The following FREM2 variants were observed in gnomAD, a reference collection of about 807,000 sequenced individuals.
The protein encoded by FREM2 is FRAS1 related extracellular matrix 2.
A neutral mutation model predicts 219.9 loss-of-function variants in FREM2; 119 were observed. That is an observed-to-expected ratio of 0.54 (90% CI 0.47 to 0.63). The LOEUF (loss-of-function observed/expected upper bound fraction) is 0.63. FREM2 is among the 30% of genes least tolerant of loss of function. The probability of loss-of-function intolerance (pLI) is 0.00; values close to 1 mark genes in which losing one functional copy is unlikely to be tolerated. For synonymous variants in FREM2, 1,562 were observed against 1,522.8 expected, an observed-to-expected ratio of 1.03 and a Z score of -0.60; for missense variants, 4,030 against 3,993.6, an observed-to-expected ratio of 1.01 and a Z score of -0.25.
chr13:38,811,498 T>C (rs2137863701), intron 6 of FREM2, among the ~76,000 whole-genome samples: 1 of 152,238 alleles, frequency 6.6e-6, no homozygotes, highest in Non-Finnish European at 1.5e-5. Context: ...GTATGTTGTG[T>C]TTCCATTATC....
chr13:38,788,392 C>T (rs1874418505), intron 6 of FREM2, among the ~76,000 whole-genome samples: 1 of 152,118 alleles, frequency 6.6e-6, no homozygotes, highest in South Asian at 2.1e-4. Flanking sequence ...TCTATTAATA[C>T]TGTACCTTAT....
chr13:38,702,727 CATT>C (rs1870390565), intron 2 of FREM2, among the ~76,000 whole-genome samples: 3 of 152,100 alleles, frequency 2.0e-5, no homozygotes, highest in Admixed American at 6.6e-5. Context: ...CATTTGTATT[CATT>C]ATGAAAACCA....
At chr13:38,822,187 A>G (rs1593428263) in intron 6 of FREM2, 2 of 152,070 alleles carry the variant, frequency 1.3e-5, no homozygotes, top group Non-Finnish European at 2.9e-5. Context: ...GTGAGAGGAA[A>G]AAAATAGCTT....
intron 16 of FREM2, among the ~76,000 whole-genome samples, chr13:38,869,420 A>AT (rs1878083811): frequency 6.6e-6 from 1 of 152,186 alleles, no homozygotes; most frequent in South Asian, 2.1e-4. Context: ...TTATTTGTAC[A>AT]TTCATTCATT....
At position 38,774,025 on chromosome 13, in the gene FREM2, G is replaced by T. The variant is rs561409334; in HGVS notation, c.5641+4217G>T. ...CAATATATATTCAAATATATATATTGTTTCCCCCTCTAGAGCTCTTCTTTC... is the reference window on the plus strand; with the variant it reads ...CAATATATATTCAAATATATATATTTTTTCCCCCTCTAGAGCTCTTCTTTC... On this transcript the variant is annotated intron_variant, in intron 4 of 23. Transcript: ENST00000280481. Among the ~76,000 whole-genome samples, 9 of 151,060 alleles carry T rather than the reference G, an allele frequency of 6.0e-5. No individual in the cohort carries two copies. In the South Asian group the frequency reaches 1.9e-3, roughly 32 times the overall value.
intron 4 of FREM2, among the ~76,000 whole-genome samples, chr13:38,771,753 C>G (rs1435367910): frequency 6.6e-6 from 1 of 152,124 alleles, no homozygotes; most frequent in Non-Finnish European, 1.5e-5. Flanking sequence ...GCTTGGTATG[C>G]TCTGTGCCTT....
intron 7 of FREM2, 108 bp downstream of exon 7, chr13:38,846,830 G>A: frequency 2.4e-6 from 3 of 1,273,260 alleles, no homozygotes; most frequent in South Asian, 1.2e-5. Context: ...GCAGTTGGCT[G>A]GGTATATTGT....
In FREM2 at chr13:38,691,767, C is replaced by G. The variant is rs1242714345; in HGVS notation, c.4423C>G (p.Pro1475Ala). ...AGGTCACCTGGAATGCACGGATCAG[C>G]CTGGTGTGTCCATCACGTCTTTCAC... is the stretch of plus-strand genomic sequence containing the variant. ...MRGHLECTDQ[P>A]GVSITSFTQL... Residue 1475 changes from proline (P) to alanine (A), a missense_variant, in exon 1 of 24, where the codon CCT becomes GCT. Transcript: ENST00000280481. The G allele has an allele frequency of 1.9e-6, 3 of 1,614,028 alleles. No individual in the cohort carries two copies. Among genetic ancestry groups the G allele is most frequent in the African/African-American group, 1.3e-5 (1 of 74,910 alleles).
Position 38,689,214 on chromosome 13 carries a change from C to T in FREM2, c.1870C>T (p.Leu624Phe). ...TCACCCTCCCCATGAGAAGCAGGAA[C>T]TTCTCAGAGGCCTTTGGAGGAAGGA... Reference protein sequence around the residue: ...QTHPPHEKQELLRGLWRKEGA... With the variant: ...QTHPPHEKQEFLRGLWRKEGA... The change falls in exon 1 of 24, where the codon CTT (leucine) becomes TTT (phenylalanine). Residue 624 changes from leucine (L) to phenylalanine (F), a missense_variant. By Grantham distance (22) the Leu-to-Phe change is conservative. Coordinates refer to ENST00000280481, the MANE Select transcript of FREM2 (RefSeq NM_207361.6). The T allele has an allele frequency of 1.2e-6, 2 of 1,614,134 alleles. No homozygotes were observed. The highest frequency in any genetic ancestry group is 1.7e-6 in the Non-Finnish European group (2 of 1,180,032).
chr13:38,758,672 C>T (rs773837484), intron 2 of FREM2, among the ~76,000 whole-genome samples: 1 of 152,190 alleles, frequency 6.6e-6, no homozygotes, highest in African/African-American at 2.4e-5. Flanking sequence ...AGGAGATTCT[C>T]CTATGGAAGA....
rs776456584 is a variant in FREM2, at chr13:38,769,638, A to T, written c.5471A>T (p.Lys1824Ile). ...KDKDFKGKAQ[K>I]QVQFNPGQTR... ...AAAGACTTCAAGGGCAAAGCACAGA[A>T]ACAAGTGCAGTTCAACCCAGGCCAG... Residue 1824 changes from lysine (K) to isoleucine (I), a missense_variant, in exon 4 of 24, where the codon AAA (lysine) becomes ATA (isoleucine). By Grantham distance (102) the Lys-to-Ile change is moderately radical. Transcript: ENST00000280481. 6.2e-7 allele frequency: 1 copy of T among 1,614,200 alleles called. No homozygotes were observed. The highest frequency in any genetic ancestry group is 1.7e-5 in the Admixed American group (1 of 60,022).
chr13:38,838,632 C>T (rs1048248799), intron 6 of FREM2, among the ~76,000 whole-genome samples: 5 of 152,134 alleles, frequency 3.3e-5, no homozygotes, highest in African/African-American at 9.7e-5. Context: ...CACATAGACC[C>T]ATATTTCTTG....
chr13:38,844,539 C>T (rs1451022530), intron 6 of FREM2, among the ~76,000 whole-genome samples: 3 of 152,108 alleles, frequency 2.0e-5, no homozygotes, highest in South Asian at 2.1e-4. Context: ...ATTTGGTCCC[C>T]GATGTGTAGC....
Position 38,861,521 on chromosome 13 carries a change from C to G in FREM2, c.7610C>G (p.Thr2537Arg), listed in dbSNP as rs114996044. 39 of 1,610,934 alleles carry G rather than the reference C, an allele frequency of 2.4e-5. No homozygotes were observed. In the East Asian group the frequency reaches 8.2e-4, roughly 34 times the overall value. The change falls in exon 15 of 24, where the codon ACA (threonine) becomes AGA (arginine). Residue 2537 changes from threonine (T) to arginine (R), a missense_variant. This residue lies in a region of FREM2 where 928 missense variants were observed against 1,042.9 expected (regional missense o/e 0.89). Coordinates refer to ENST00000280481, the MANE Select transcript of FREM2 (RefSeq NM_207361.6). Reference protein sequence around the residue: ...RYTGPEDADYTNLIKLTVTMP... With the variant: ...RYTGPEDADYRNLIKLTVTMP... ...ACAGGCCCTGAGGATGCAGACTACA[C>G]AAACCTTATCAAGCTCACTGTCACA... is the stretch of plus-strand genomic sequence containing the variant.
intron 3 of FREM2, among the ~76,000 whole-genome samples, chr13:38,764,812 T>G (rs1873370275): frequency 6.6e-6 from 1 of 152,250 alleles, no homozygotes; most frequent in African/African-American, 2.4e-5. Flanking sequence ...AGTAAATTGT[T>G]AAATACTAAT....
intron 2 of FREM2, among the ~76,000 whole-genome samples, chr13:38,709,986 TACACACACACACACACACAC>T (rs59108347): frequency 2.8e-4 from 36 of 130,414 alleles, no homozygotes; most frequent in African/African-American, 7.4e-4. Context: ...TAACTAAAAA[TACACACACACACACACACAC>T]ACACACACAC....
intron 4 of FREM2, among the ~76,000 whole-genome samples, chr13:38,772,358 A>T (rs1735951002): frequency 1.3e-5 from 2 of 152,176 alleles, no homozygotes; most frequent in South Asian, 4.1e-4. Context: ...ACAAGGTATG[A>T]AGAGTATTGG....
intron 2 of FREM2, among the ~76,000 whole-genome samples, chr13:38,711,009 G>T (rs1178812132): frequency 1.3e-5 from 2 of 152,196 alleles, no homozygotes; most frequent in African/African-American, 2.4e-5. Flanking sequence ...TGTTTCTAGT[G>T]TAGAGATATC....
In FREM2 at chr13:38,690,628, T is replaced by C. The variant is rs1253191405; in HGVS notation, c.3284T>C (p.Val1095Ala). 1.2e-6 allele frequency: 2 copies of C among 1,613,984 alleles called. No homozygotes were observed. Among genetic ancestry groups the C allele is most frequent in the East Asian group, 2.2e-5 (1 of 44,880 alleles). The stretch of plus-strand genomic sequence containing the variant: ...TCAGTGCATATAAGTGCTGAAGATG[T>C]CGACTCCCTGAATGATGACATCTTG... ...ITSVHISAED[V>A]DSLNDDILCT... The change falls in exon 1 of 24, where the codon GTC (valine) becomes GCC (alanine). Residue 1095 changes from valine to alanine, a missense_variant. Val to Ala is a moderately conservative substitution (Grantham distance 64, BLOSUM62 0). This residue lies in a region of FREM2 where 3,102 missense variants were observed against 2,950.7 expected (regional missense o/e 1.05). Coordinates refer to ENST00000280481, the MANE Select transcript of FREM2 (RefSeq NM_207361.6).
Sources: gnomAD v4.1 joint callset for allele counts (sites outside exome capture counted in the v4.1 genomes callset) on GRCh38, gnomAD v4.1.1 for gene constraint, gnomAD v4.1.1 regional missense constraint, MANE v1.5 for transcripts, NCBI Gene and HGNC (gene_info 2026-07-23, HGNC 2026-07-21) for gene names.